The following ZNF431 variants were observed in gnomAD, a reference collection of about 807,000 sequenced individuals.
ZNF431 encodes zinc finger protein 431.
A neutral mutation model predicts 57.0 loss-of-function variants in ZNF431; 34 were observed. The observed-to-expected ratio is 0.60, with a 90% CI of 0.45 to 0.79. The LOEUF is 0.79. Ranked by LOEUF, ZNF431 falls within the 30% of genes least tolerant of loss-of-function variation. The pLI is 0.00. For synonymous variants in ZNF431, 207 were observed against 220.3 expected, an observed-to-expected ratio of 0.94 and a Z score of 0.54; for missense variants, 607 against 667.1, an observed-to-expected ratio of 0.91 and a Z score of 0.99.
chr19:21,170,489 A>C (rs1360090672), intron 4 of ZNF431, among the ~76,000 whole-genome samples: 2 of 152,184 alleles, frequency 1.3e-5, no homozygotes, highest in African/African-American at 4.8e-5. Context: ...TAGAATTTAC[A>C]TGTTATGCCT....
In ZNF431 at chr19:21,190,882, A is replaced by G. The variant is rs1273530535; in HGVS notation, c.*6848A>G. 1 of 151,734 alleles carries G rather than the reference A, an allele frequency of 6.6e-6. No individual in the cohort carries two copies. Among genetic ancestry groups the G allele is most frequent in the African/African-American group, 2.4e-5 (1 of 41,344 alleles). 9.4% of individuals were successfully genotyped at this position (151,734 alleles called of 1,614,324 possible). A position where few individuals can be genotyped will look rare whatever the true frequency, so the allele number is the denominator to read the frequency against. On this transcript the variant is annotated 3_prime_UTR_variant, in exon 5 of 5. Coordinates refer to ENST00000311048, the MANE Select transcript of ZNF431 (RefSeq NM_133473.4). ...TTCTATATTGGTCAGGCTGGTCTCGAACTTCTGACCTCTGGTGCCCACCTC... is the reference window on the plus strand; with the variant it reads ...TTCTATATTGGTCAGGCTGGTCTCGGACTTCTGACCTCTGGTGCCCACCTC...
In ZNF431 at chr19:21,195,669, T is replaced by C. The variant is rs566344193; in HGVS notation, c.*11635T>C. 6.6e-6 allele frequency: 1 copy of C among 152,348 alleles called. No individual in the cohort carries two copies. The highest frequency in any genetic ancestry group is 2.4e-5 in the African/African-American group (1 of 41,582). The allele number at this position is 152,348 out of a possible 1,614,324, so 9.4% of individuals were successfully genotyped here. A position where few individuals can be genotyped will look rare whatever the true frequency, so the allele number is the denominator to read the frequency against. ...GTATGAGATTCACCAGTACCAGTTT[T>C]TCTCTTGTGGTGGCATATAGTTGAT... On this transcript the variant is annotated 3_prime_UTR_variant, in exon 5 of 5. Transcript: ENST00000311048.
intron 4 of ZNF431, among the ~76,000 whole-genome samples, chr19:21,168,857 G>A (rs924317473): frequency 1.3e-5 from 2 of 151,934 alleles, no homozygotes; most frequent in African/African-American, 4.8e-5. Flanking sequence ...ATAACTTTAT[G>A]TTAATTTTAT....
intron 4 of ZNF431, among the ~76,000 whole-genome samples, chr19:21,169,398 A>G (rs1028766072): frequency 6.6e-6 from 1 of 152,164 alleles, no homozygotes; most frequent in Non-Finnish European, 1.5e-5. Context: ...TGGGCGCAAT[A>G]TAGTTTTATA....
chr19:21,167,428 A>T, intron 3 of ZNF431, 143 bp from the exon 4 acceptor site: 1 of 396,652 alleles, frequency 2.5e-6, no homozygotes, highest in Non-Finnish European at 3.9e-6. Flanking sequence ...CAAAGTGCTG[A>T]GATAACAGGT....
At position 21,187,452 on chromosome 19, in the gene ZNF431, AAAAG is replaced by A. The variant is rs748236325; in HGVS notation, c.*3420_*3423del. The A allele has an allele frequency of 0.14, 19,231 of 135,362 alleles. 1,553 individuals carry two copies. The highest frequency in any genetic ancestry group is 0.2 in the Non-Finnish European group (12,427 of 62,364). The allele number at this position is 135,362 out of a possible 1,614,324, so 8.4% of individuals were successfully genotyped here. A position where few individuals can be genotyped will look rare whatever the true frequency, so the allele number is the denominator to read the frequency against. On this transcript the variant is annotated 3_prime_UTR_variant, in exon 5 of 5. Coordinates refer to ENST00000311048, the MANE Select transcript of ZNF431 (RefSeq NM_133473.4). ...TCCATATAAAAAAAAAAAAAAAAAA[AAAAG>A]AGCTGGGCGTGGTGGCTCACGCCTG... is the stretch of plus-strand genomic sequence containing the variant.
At position 21,186,310 on chromosome 19, in the gene ZNF431, CT is replaced by C. The variant is rs1426584366; in HGVS notation, c.*2277del. ...AAAGTAAAATATATTTTCAAATTTT[CT>C]ATATATTTTTCTTTGAACATGTGGC... is the stretch of plus-strand genomic sequence containing the variant. On this transcript the variant is annotated 3_prime_UTR_variant, in exon 5 of 5. Transcript: ENST00000311048. 2.0e-5 allele frequency: 3 copies of C among 152,122 alleles called. No homozygotes were observed. The highest frequency in any genetic ancestry group is 2.0e-4 in the Admixed American group (3 of 15,262). 9.4% of individuals were successfully genotyped at this position (152,122 alleles called of 1,614,324 possible).
rs1335581132 is a variant in ZNF431, at chr19:21,188,528, A to G, written c.*4494A>G. The G allele has an allele frequency of 6.6e-6, 1 of 152,224 alleles. No homozygotes were observed. Among genetic ancestry groups the G allele is most frequent in the Non-Finnish European group, 1.5e-5 (1 of 68,046 alleles). The allele number at this position is 152,224 out of a possible 1,614,324, so 9.4% of individuals were successfully genotyped here. ...TTAAGTGTGAGTGTTAAAGGTTACAAAATAATGAAATGACTTCAGTGGATT... is the reference window on the plus strand; with the variant it reads ...TTAAGTGTGAGTGTTAAAGGTTACAGAATAATGAAATGACTTCAGTGGATT... On this transcript the variant is annotated 3_prime_UTR_variant, in exon 5 of 5. Transcript: ENST00000311048.
Position 21,142,083 on chromosome 19 carries a change from C to G in ZNF431, c.-101C>G. ...AGCTCCAGGTCTCCCCTTCGCTGCT[C>G]TGTGTCCTCTGCTCCTAGAGGCCCA... On this transcript the variant is annotated 5_prime_UTR_variant, in exon 1 of 5. Transcript: ENST00000311048. 2.0e-6 allele frequency: 3 copies of G among 1,512,982 alleles called. No homozygotes were observed. Among genetic ancestry groups the G allele is most frequent in the Non-Finnish European group, 2.7e-6 (3 of 1,092,914 alleles). 93.7% of individuals were successfully genotyped at this position (1,512,982 alleles called of 1,614,324 possible).
At chr19:21,161,362 A>G (rs886139348) in intron 2 of ZNF431, among the ~76,000 whole-genome samples, 11 of 152,116 alleles carry the variant, frequency 7.2e-5, no homozygotes, top group East Asian at 5.8e-4. Context: ...TATCATCTGA[A>G]GGGATATTTA....
At chr19:21,157,029 C>G (rs112797771) in intron 2 of ZNF431, among the ~76,000 whole-genome samples, 13 of 152,306 alleles carry the variant, frequency 8.5e-5, no homozygotes, top group African/African-American at 2.9e-4. Flanking sequence ...CCACCTGCCT[C>G]GGCCTCCCAA....
chr19:21,143,760 A>G lies in ZNF431; in HGVS notation c.96+117A>G, dbSNP rs1462472731. On this transcript the variant is annotated intron_variant, in intron 2 of 4. Transcript: ENST00000311048. ...TGATGGGAAAACACAGAAATAATGTATGCCCCCTGGATTGTCTTAGGGGGC... is the reference window on the plus strand; with the variant it reads ...TGATGGGAAAACACAGAAATAATGTGTGCCCCCTGGATTGTCTTAGGGGGC... The G allele has an allele frequency of 5.8e-6, 4 of 691,204 alleles. No individual in the cohort carries two copies. In the East Asian group the frequency reaches 8.0e-5, roughly 14 times the overall value. 42.8% of individuals were successfully genotyped at this position (691,204 alleles called of 1,614,324 possible). A position where few individuals can be genotyped will look rare whatever the true frequency, so the allele number is the denominator to read the frequency against.
chr19:21,150,416 T>A (rs1970237618), intron 2 of ZNF431: 2 of 279,624 alleles, frequency 7.2e-6, no homozygotes, highest in Non-Finnish European at 1.4e-5. Flanking sequence ...CTTCTTCCCC[T>A]AGGCCTTCTT....
chr19:21,179,516 T>G (rs1480501798), intron 4 of ZNF431, among the ~76,000 whole-genome samples: 1 of 152,120 alleles, frequency 6.6e-6, no homozygotes, highest in Admixed American at 6.5e-5. Flanking sequence ...TAAATTTCCC[T>G]GTTAACACTG....
rs1555712627 is a variant in ZNF431, at chr19:21,186,238, A to ACC, written c.*2207_*2208dup. ...GTGGAGGTTGCAATGAGCCAAGATC[A>ACC]CCCCACTGCACTCCAGCCTGGGCAA... On this transcript the variant is annotated 3_prime_UTR_variant, in exon 5 of 5. Transcript: ENST00000311048. 1.3e-5 allele frequency: 2 copies of ACC among 152,176 alleles called. No individual in the cohort carries two copies. Among genetic ancestry groups the ACC allele is most frequent in the Non-Finnish European group, 2.9e-5 (2 of 68,078 alleles). The allele number at this position is 152,176 out of a possible 1,614,324, so 9.4% of individuals were successfully genotyped here.
chr19:21,171,595 A>G (rs1465732046), intron 4 of ZNF431, among the ~76,000 whole-genome samples: 1 of 150,514 alleles, frequency 6.6e-6, no homozygotes, highest in East Asian at 1.9e-4. Flanking sequence ...TCTCATATAT[A>G]TTCTTTCTTA....
chr19:21,149,578 TTC>T (rs1289225189), intron 2 of ZNF431: 7 of 91,452 alleles, frequency 7.7e-5, no homozygotes, highest in African/African-American at 1.4e-4. Context: ...GTCAATTTCT[TTC>T]TTTTTTTTGA....
At chr19:21,169,684 C>T (rs1423043390) in intron 4 of ZNF431, 3 of 396,976 alleles carry the variant, frequency 7.6e-6, no homozygotes, top group South Asian at 1.4e-4. Flanking sequence ...GGGCAGATAC[C>T]AGGGCAGATT....
rs1971334120 is a variant in ZNF431 at position 21,185,190 on chromosome 19, A to G, written c.*1156A>G. 1 of 152,220 alleles carries G rather than the reference A, an allele frequency of 6.6e-6. No homozygotes were observed. The highest frequency in any genetic ancestry group is 2.1e-4 in the South Asian group (1 of 4,836). 9.4% of individuals were successfully genotyped at this position (152,220 alleles called of 1,614,324 possible). A position where few individuals can be genotyped will look rare whatever the true frequency, so the allele number is the denominator to read the frequency against. Reference sequence around the variant, plus strand: ...ACTGACACTTCAGATATACTAAATCAGAGTGCTAAGTATAGAAAATCTGAA... The same window carrying G: ...ACTGACACTTCAGATATACTAAATCGGAGTGCTAAGTATAGAAAATCTGAA... On this transcript the variant is annotated 3_prime_UTR_variant, in exon 5 of 5. Transcript: ENST00000311048.
Sources: allele counts gnomAD v4.1 joint callset (sites outside exome capture counted in the v4.1 genomes callset), GRCh38; gene constraint gnomAD v4.1.1; transcripts MANE v1.5; gene names NCBI Gene and HGNC (gene_info 2026-07-23, HGNC 2026-07-21).